The following BMP5 variants were observed in gnomAD, a reference collection of about 807,000 sequenced individuals.
BMP5 encodes bone morphogenetic protein 5.
Under a neutral mutation model 46.6 loss-of-function variants are expected in BMP5, and 23 were observed. The ratio of observed to expected loss-of-function variants is 0.49; its 90% CI spans 0.35 to 0.70. The LOEUF (loss-of-function observed/expected upper bound fraction) is 0.70, where lower values mean the gene tolerates loss of function less well. BMP5 is among the 30% of genes least tolerant of loss of function. The probability of loss-of-function intolerance (pLI) is 0.00; values close to 1 mark genes in which losing one functional copy is unlikely to be tolerated. For synonymous variants in BMP5, 204 were observed against 191.9 expected, an observed-to-expected ratio of 1.06 and a Z score of -0.52; for missense variants, 545 against 565.6, an observed-to-expected ratio of 0.96 and a Z score of 0.37.
chr6:55,820,084 A>G (rs1776372372), intron 1 of BMP5, among the ~76,000 whole-genome samples: 1 of 152,168 alleles, frequency 6.6e-6, no homozygotes, highest in Admixed American at 6.5e-5. Context: ...CTGGATCCTA[A>G]ATGGAAAGGT....
At chr6:55,852,287 A>C (rs1239576636) in intron 1 of BMP5, among the ~76,000 whole-genome samples, 1 of 151,972 alleles carries the variant, frequency 6.6e-6, no homozygotes, top group Non-Finnish European at 1.5e-5. Flanking sequence ...TTTTTTTTGT[A>C]TATTTTTGTG....
chr6:55,831,234 A>C (rs552698449), intron 1 of BMP5, among the ~76,000 whole-genome samples: 3 of 152,300 alleles, frequency 2.0e-5, no homozygotes, highest in Middle Eastern at 3.4e-3. Flanking sequence ...AAGAAACAGC[A>C]TCCTAAAGGG....
intron 1 of BMP5, among the ~76,000 whole-genome samples, chr6:55,850,679 C>T (rs933254180): frequency 6.6e-6 from 1 of 152,136 alleles, no homozygotes; most frequent in African/African-American, 2.4e-5. Flanking sequence ...GATAAAGGCA[C>T]TGCCATTCAT....
chr6:55,768,138 T>G (rs1774962030), intron 4 of BMP5, among the ~76,000 whole-genome samples: 1 of 151,948 alleles, frequency 6.6e-6, no homozygotes, highest in Non-Finnish European at 1.5e-5. Flanking sequence ...TGGAAATAAC[T>G]TCAATTAATT....
chr6:55,757,829 C>G (rs1265671874), intron 6 of BMP5, among the ~76,000 whole-genome samples: 1 of 151,892 alleles, frequency 6.6e-6, no homozygotes, highest in Admixed American at 6.6e-5. Context: ...CGTTCATGCT[C>G]TAGTTGTTAT....
At chr6:55,761,890 A>C (rs1774792464) in intron 4 of BMP5, among the ~76,000 whole-genome samples, 1 of 152,132 alleles carries the variant, frequency 6.6e-6, no homozygotes, top group South Asian at 2.1e-4. Context: ...ATGTATCCCT[A>C]GTGCCAGGAA....
At chr6:55,819,548 G>T (rs1308131387) in intron 2 of BMP5, 107 bp downstream of exon 2, 2 of 902,066 alleles carry the variant, frequency 2.2e-6, no homozygotes, top group Non-Finnish European at 1.7e-6. Context: ...TTACTACATT[G>T]CCCCCAAAAA....
intron 5 of BMP5, among the ~76,000 whole-genome samples, chr6:55,759,518 C>T (rs922346431): frequency 6.6e-6 from 1 of 151,582 alleles, no homozygotes; most frequent in Non-Finnish European, 1.5e-5. Flanking sequence ...CAAGTGAACC[C>T]GAAAGAAAAA....
In BMP5 at chr6:55,790,349, G is replaced by A. The variant is rs551588904; in HGVS notation, c.832+3930C>T. Among the ~76,000 whole-genome samples, 8 of 152,188 alleles carry A rather than the reference G, an allele frequency of 5.3e-5. No individual in the cohort carries two copies. The South Asian group carries it at 1.0e-3, about 20-fold the overall frequency. On this transcript the variant is annotated intron_variant, in intron 3 of 6. Coordinates refer to ENST00000370830, the MANE Select transcript of BMP5 (RefSeq NM_021073.4). ...ATACCTACGACCTGCATTGTGCCAC[G>A]CACTGAGGGTACAAGTGCGAATCAG...
At chr6:55,791,862 C>T (rs531991296) in intron 3 of BMP5, among the ~76,000 whole-genome samples, 60 of 152,278 alleles carry the variant, frequency 3.9e-4, no homozygotes, top group African/African-American at 1.4e-3. Flanking sequence ...GGGAGAAGCA[C>T]ATACCACTAA....
chr6:55,755,340 A>C lies in BMP5; in HGVS notation c.*193T>G, dbSNP rs939366107. 1.8e-6 allele frequency: 1 copy of C among 548,348 alleles called. No homozygotes were observed. Among genetic ancestry groups the C allele is most frequent in the Non-Finnish European group, 3.2e-6 (1 of 311,698 alleles). The allele number at this position is 548,348 out of a possible 1,614,324, so 34.0% of individuals were successfully genotyped here. A position where few individuals can be genotyped will look rare whatever the true frequency, so the allele number is the denominator to read the frequency against. On this transcript the variant is annotated 3_prime_UTR_variant, in exon 7 of 7. Coordinates refer to ENST00000370830, the MANE Select transcript of BMP5 (RefSeq NM_021073.4). ...GGCCTATGAAATAGATTTTATTGAT[A>C]AAGCCTCCACAGAAGAGAATATATA...
intron 3 of BMP5, among the ~76,000 whole-genome samples, chr6:55,789,445 G>A (rs1429385653): frequency 6.6e-6 from 1 of 151,852 alleles, no homozygotes; most frequent in Non-Finnish European, 1.5e-5. Context: ...TGTTTGGGGG[G>A]AAAACTCAAG....
intron 2 of BMP5, among the ~76,000 whole-genome samples, chr6:55,802,469 G>GA (rs1349313242): frequency 6.6e-6 from 1 of 151,906 alleles, no homozygotes; most frequent in Non-Finnish European, 1.5e-5. Flanking sequence ...AAAGTAAATG[G>GA]AAAATCACAG....
chr6:55,831,426 A>C (rs1474655254), intron 1 of BMP5, among the ~76,000 whole-genome samples: 1 of 152,122 alleles, frequency 6.6e-6, no homozygotes, highest in Non-Finnish European at 1.5e-5. Context: ...CTACTAAAAA[A>C]AACTACTATA....
At chr6:55,858,748 TGATAGACTG>T (rs1375151975) in intron 1 of BMP5, among the ~76,000 whole-genome samples, 1 of 152,200 alleles carries the variant, frequency 6.6e-6, no homozygotes, top group African/African-American at 2.4e-5. Flanking sequence ...TGCCCATCAT[TGATAGACTG>T]GATAAAGAAA....
At chr6:55,873,906 T>TA (rs1777840768) in intron 1 of BMP5, among the ~76,000 whole-genome samples, 1 of 152,052 alleles carries the variant, frequency 6.6e-6, no homozygotes, top group Non-Finnish European at 1.5e-5. Context: ...TTTACCTCTA[T>TA]ATTTTTACAG....
At chr6:55,760,118 T>G (rs1447480653) in intron 5 of BMP5, among the ~76,000 whole-genome samples, 1 of 151,930 alleles carries the variant, frequency 6.6e-6, no homozygotes, top group Non-Finnish European at 1.5e-5. Context: ...AGAGGCTTAG[T>G]GGAGTTACTT....
At chr6:55,816,275 G>A (rs1241270582) in intron 2 of BMP5, among the ~76,000 whole-genome samples, 1 of 151,876 alleles carries the variant, frequency 6.6e-6, no homozygotes, top group Non-Finnish European at 1.5e-5. Context: ...TAGTGCTGAG[G>A]ATAAAAATAA....
At chr6:55,838,481 T>A (rs1051298307) in intron 1 of BMP5, among the ~76,000 whole-genome samples, 9 of 152,174 alleles carry the variant, frequency 5.9e-5, no homozygotes, top group East Asian at 1.9e-4. Flanking sequence ...CCTATTTTTT[T>A]ATTAAATTAT....
Sources: gnomAD v4.1 joint callset for allele counts (sites outside exome capture counted in the v4.1 genomes callset) on GRCh38, gnomAD v4.1.1 for gene constraint, MANE v1.5 for transcripts, NCBI Gene and HGNC (gene_info 2026-07-23, HGNC 2026-07-21) for gene names.